Variants in NOX4 observed in about 807,000 individuals in gnomAD.
NOX4 encodes the protein kidney oxidase-1.
NOX4 carries 69 observed loss-of-function variants against 87.6 expected under a neutral mutation model. That is an observed-to-expected ratio of 0.79 (90% CI 0.65 to 0.96). NOX4 has a LOEUF of 0.96. Ranked by LOEUF, NOX4 falls within the 40% of genes least tolerant of loss-of-function variation. The pLI, the probability that NOX4 is intolerant of heterozygous loss-of-function variation, is 0.00. For missense variants in NOX4, 680 were observed against 681.5 expected (o/e 1.00, Z 0.02); for synonymous variants, 275 against 238.2 (o/e 1.15, Z -1.42).
chr11:89,514,139 T>C, the NOX4 span, among the ~76,000 whole-genome samples: 2 of 152,046 alleles, frequency 1.3e-5, no homozygotes, highest in Non-Finnish European at 1.5e-5. Context: ...TTCATGATCA[T>C]GGGGTGGGTT....
At chr11:89,360,809 C>G (rs1938464906) in intron 12 of NOX4, among the ~76,000 whole-genome samples, 1 of 152,024 alleles carries the variant, frequency 6.6e-6, no homozygotes. Context: ...GCAGACATTT[C>G]TCAAAAGAAG....
chr11:89,561,843 A>C, the NOX4 span, among the ~76,000 whole-genome samples: 5 of 152,182 alleles, frequency 3.3e-5, no homozygotes, highest in Non-Finnish European at 2.9e-5. Context: ...GCAGAATTGG[A>C]AAAACAGAAT....
At chr11:89,430,667 A>C (rs1943728186) in intron 7 of NOX4, among the ~76,000 whole-genome samples, 1 of 152,174 alleles carries the variant, frequency 6.6e-6, no homozygotes. Context: ...GGACTTCTTC[A>C]AGGAGAACTA....
Position 89,384,034 on chromosome 11 carries a change from C to T in NOX4, c.1075-10542G>A, listed in dbSNP as rs113558233. Among the ~76,000 whole-genome samples, 670 of 152,210 alleles carry T rather than the reference C, an allele frequency of 4.4e-3. 7 individuals carry two copies. Among genetic ancestry groups the T allele is most frequent in the African/African-American group, 0.015 (627 of 41,508 alleles). ...TAATCACTCGCCTGTTACAGCATGG[C>T]CTTTTAAAGCCTATAAACTCTCCTT... On this transcript the variant is annotated intron_variant, in intron 11 of 17. Coordinates refer to ENST00000263317, the MANE Select transcript of NOX4 (RefSeq NM_016931.5).
At chr11:89,431,653 A>C (rs1448371450) in intron 7 of NOX4, among the ~76,000 whole-genome samples, 1 of 152,190 alleles carries the variant, frequency 6.6e-6, no homozygotes, top group East Asian at 1.9e-4. Flanking sequence ...ACAATGAGAT[A>C]CCATTTCACA....
At chr11:89,330,064 A>T (rs1365970816) in intron 17 of NOX4, among the ~76,000 whole-genome samples, 2 of 152,154 alleles carry the variant, frequency 1.3e-5, no homozygotes, top group Non-Finnish European at 2.9e-5. Flanking sequence ...GAACTATAAC[A>T]TATGTATATG....
intron 5 of NOX4, 145 bp downstream of exon 5, chr11:89,443,990 A>G: frequency 1.6e-6 from 1 of 645,060 alleles, no homozygotes; most frequent in Admixed American, 2.6e-5. Context: ...TTTCTACTGA[A>G]AAGGAATAAA....
At chr11:89,571,947 A>G in the NOX4 span, among the ~76,000 whole-genome samples, 1 of 152,186 alleles carries the variant, frequency 6.6e-6, no homozygotes, top group African/African-American at 2.4e-5. Context: ...TTTATGTAAA[A>G]ATGTAGATTC....
chr11:89,566,304 A>G, the NOX4 span, among the ~76,000 whole-genome samples: 1 of 152,248 alleles, frequency 6.6e-6, no homozygotes, highest in South Asian at 2.1e-4. Context: ...TGCCTCCCAA[A>G]GTGCTGGGAT....
intron 12 of NOX4, among the ~76,000 whole-genome samples, chr11:89,359,228 T>C (rs1246308078): frequency 6.6e-6 from 1 of 152,246 alleles, no homozygotes; most frequent in East Asian, 1.9e-4. Context: ...AAATCCTCTT[T>C]CAATTTCTAA....
At chr11:89,562,331 G>A in the NOX4 span, among the ~76,000 whole-genome samples, 8 of 152,112 alleles carry the variant, frequency 5.3e-5, no homozygotes, top group Middle Eastern at 3.4e-3. Flanking sequence ...AAAAACTATC[G>A]TCTGCCTAAA....
intron 5 of NOX4, among the ~76,000 whole-genome samples, chr11:89,442,010 A>G (rs187310457): frequency 1.1e-3 from 167 of 148,172 alleles, no homozygotes; most frequent in African/African-American, 3.9e-3. Context: ...AATATAATCT[A>G]TATATAATAG....
chr11:89,390,623 G>T (rs1226664476), intron 11 of NOX4, among the ~76,000 whole-genome samples: 2 of 152,156 alleles, frequency 1.3e-5, no homozygotes, highest in African/African-American at 4.8e-5. Flanking sequence ...GGTGCTAGAT[G>T]AATCCAAGAA....
chr11:89,573,251 C>T, the NOX4 span, among the ~76,000 whole-genome samples: 1 of 152,150 alleles, frequency 6.6e-6, no homozygotes, highest in Admixed American at 6.6e-5. Flanking sequence ...AGAACTGATG[C>T]TTTTGGCTGG....
intron 2 of NOX4, among the ~76,000 whole-genome samples, chr11:89,480,990 G>A (rs1034620285): frequency 2.0e-5 from 3 of 151,976 alleles, no homozygotes; most frequent in Non-Finnish European, 4.4e-5. Flanking sequence ...ATAGCAAATA[G>A]CAGTAAATAG....
intron 4 of NOX4, among the ~76,000 whole-genome samples, chr11:89,446,537 A>C (rs1210482296): frequency 2.0e-5 from 3 of 152,148 alleles, no homozygotes; most frequent in African/African-American, 7.2e-5. Flanking sequence ...ATTTACCACT[A>C]TAAAAAGATG....
chr11:89,353,582 T>A lies in NOX4; in HGVS notation c.1217+1380A>T, dbSNP rs571470208. Among the ~76,000 whole-genome samples, 596 of 151,976 alleles carry A rather than the reference T, an allele frequency of 3.9e-3. 6 individuals carry two copies. Among genetic ancestry groups the A allele is most frequent in the Non-Finnish European group, 2.6e-3 (174 of 67,956 alleles). ...TTACTTTTATATGCAGTGAGAAACT[T>A]AAAAAAAAGTGTGACAGCTTTATTG... On this transcript the variant is annotated intron_variant, in intron 13 of 17. Coordinates refer to ENST00000263317, the MANE Select transcript of NOX4 (RefSeq NM_016931.5).
chr11:89,343,969 T>C (rs1333385271), intron 13 of NOX4, among the ~76,000 whole-genome samples: 1 of 152,030 alleles, frequency 6.6e-6, no homozygotes, highest in East Asian at 1.9e-4. Context: ...TATTTACATT[T>C]AAAAAAACTG....
chr11:89,440,545 G>A (rs954857147), intron 6 of NOX4, 143 bp downstream of exon 6: 25 of 440,718 alleles, frequency 5.7e-5, no homozygotes, highest in Non-Finnish European at 1.0e-4. Flanking sequence ...GGCTGGTTTC[G>A]AGTTCCTGAC....
Sources: gnomAD v4.1 joint callset for allele counts (sites outside exome capture counted in the v4.1 genomes callset) on GRCh38, gnomAD v4.1.1 for gene constraint, MANE v1.5 for transcripts, NCBI Gene and HGNC (gene_info 2026-07-23, HGNC 2026-07-21) for gene names.